C1orf21: variants seen among roughly 807,000 people sequenced by gnomAD.
The protein encoded by C1orf21 is chromosome 1 open reading frame 21.
Under a neutral mutation model 18.7 loss-of-function variants are expected in C1orf21, and 3 were observed. The ratio of observed to expected loss-of-function variants is 0.16; its 90% CI spans 0.07 to 0.42. The LOEUF (loss-of-function observed/expected upper bound fraction) is 0.42, where lower values mean the gene tolerates loss of function less well. Ranked by LOEUF, C1orf21 falls within the 10% of genes least tolerant of loss-of-function variation. The pLI, the probability that C1orf21 is intolerant of heterozygous loss-of-function variation, is 0.99. For synonymous variants in C1orf21, 41 were observed against 46.4 expected, an observed-to-expected ratio of 0.88 and a Z score of 0.47; for missense variants, 104 against 143.6, an observed-to-expected ratio of 0.72 and a Z score of 1.41.
intron 3 of C1orf21, among the ~76,000 whole-genome samples, chr1:184,564,535 T>G (rs1659009726): frequency 6.6e-6 from 1 of 152,102 alleles, no homozygotes; most frequent in African/African-American, 2.4e-5. Flanking sequence ...CTTGAACTCC[T>G]GACCTCAAGT....
intron 3 of C1orf21, 94 bp downstream of exon 3, chr1:184,507,776 C>A: frequency 1.0e-6 from 1 of 952,568 alleles, no homozygotes. Context: ...TACACACTGG[C>A]ACAAGATTTC....
intron 1 of C1orf21, among the ~76,000 whole-genome samples, chr1:184,471,394 G>A (rs1186940291): frequency 1.3e-5 from 2 of 152,156 alleles, no homozygotes; most frequent in East Asian, 3.9e-4. Context: ...GTATGTCCTA[G>A]TTGAGTTAGT....
chr1:184,474,549 T>C (rs1657542457), intron 1 of C1orf21, among the ~76,000 whole-genome samples: 1 of 152,192 alleles, frequency 6.6e-6, no homozygotes, highest in Non-Finnish European at 1.5e-5. Flanking sequence ...ACTAACTGCT[T>C]TTCGGGAGTA....
At chr1:184,487,158 A>G (rs1447988775) in intron 2 of C1orf21, among the ~76,000 whole-genome samples, 3 of 152,138 alleles carry the variant, frequency 2.0e-5, no homozygotes, top group East Asian at 3.9e-4. Flanking sequence ...AGATTCAGAC[A>G]TTCAAAACAA....
intron 1 of C1orf21, among the ~76,000 whole-genome samples, chr1:184,422,884 G>A (rs967589718): frequency 2.0e-5 from 3 of 152,238 alleles, no homozygotes; most frequent in Admixed American, 6.5e-5. Context: ...TGGACTGAAC[G>A]AATAAAATGT....
At chr1:184,442,813 AAATC>A (rs1656968661) in intron 1 of C1orf21, among the ~76,000 whole-genome samples, 1 of 152,136 alleles carries the variant, frequency 6.6e-6, no homozygotes, top group African/African-American at 2.4e-5. Context: ...AAAAAATTCT[AAATC>A]AAAGGAATAT....
At chr1:184,463,082 C>CAAA (rs397982231) in intron 1 of C1orf21, among the ~76,000 whole-genome samples, 5,889 of 79,562 alleles carry the variant, frequency 0.074, 206 homozygotes, top group Non-Finnish European at 0.11. Context: ...GACTCCATCT[C>CAAA]AAAAAAAAAA....
intron 1 of C1orf21, among the ~76,000 whole-genome samples, chr1:184,398,229 C>T (rs914395812): frequency 5.9e-5 from 9 of 152,136 alleles, no homozygotes; most frequent in Non-Finnish European, 8.8e-5. Flanking sequence ...GTGCTGAGTA[C>T]ACGACATGCA....
intron 2 of C1orf21, among the ~76,000 whole-genome samples, chr1:184,502,599 G>C (rs1474097466): frequency 6.6e-6 from 1 of 151,838 alleles, no homozygotes; most frequent in African/African-American, 2.4e-5. Context: ...GAGAATTGCT[G>C]TCTTAGTGAC....
At chr1:184,581,691 A>C (rs1293971196) in intron 3 of C1orf21, among the ~76,000 whole-genome samples, 1 of 152,214 alleles carries the variant, frequency 6.6e-6, no homozygotes, top group Non-Finnish European at 1.5e-5. Context: ...ACTTTTAATA[A>C]ATTTGTTGGT....
intron 1 of C1orf21, among the ~76,000 whole-genome samples, chr1:184,392,752 A>G (rs1447649964): frequency 6.7e-6 from 1 of 148,734 alleles, no homozygotes; most frequent in African/African-American, 2.5e-5. Flanking sequence ...CCTTTCATCT[A>G]TCACTTCCTT....
Position 184,479,366 on chromosome 1 carries a change from AT to A in C1orf21, c.94+1766del, listed in dbSNP as rs577884582. ...TTATCATTTTTATAATAGAGCTACC[AT>A]TTATGGAGCCGTCACCATGTGTCAA... On this transcript the variant is annotated intron_variant, in intron 2 of 5. Coordinates refer to ENST00000235307, the MANE Select transcript of C1orf21 (RefSeq NM_030806.4). Among the ~76,000 whole-genome samples, 472 of 152,292 alleles carry A rather than the reference AT, an allele frequency of 3.1e-3. 1 individual carries two copies. The highest frequency in any genetic ancestry group is 0.01 in the African/African-American group (432 of 41,546).
intron 2 of C1orf21, among the ~76,000 whole-genome samples, chr1:184,490,139 A>G (rs554035449): frequency 1.1e-4 from 16 of 152,326 alleles, no homozygotes; most frequent in African/African-American, 3.8e-4. Flanking sequence ...GATGACTGGC[A>G]CTTGTTGGTT....
chr1:184,562,310 T>C (rs981998135), intron 3 of C1orf21, among the ~76,000 whole-genome samples: 3 of 152,164 alleles, frequency 2.0e-5, no homozygotes, highest in African/African-American at 4.8e-5. Flanking sequence ...TAACAAATGG[T>C]GTTAGGTTGT....
At chr1:184,466,334 G>T (rs1260917786) in intron 1 of C1orf21, among the ~76,000 whole-genome samples, 1 of 152,188 alleles carries the variant, frequency 6.6e-6, no homozygotes, top group Non-Finnish European at 1.5e-5. Flanking sequence ...CCGGAGTAAT[G>T]AGCAAACTCG....
At chr1:184,556,092 A>G (rs1658875170) in intron 3 of C1orf21, among the ~76,000 whole-genome samples, 1 of 151,788 alleles carries the variant, frequency 6.6e-6, no homozygotes, top group Non-Finnish European at 1.5e-5. Context: ...CACACACACA[A>G]CACACACACA....
chr1:184,597,347 C>G (rs1177272337), intron 4 of C1orf21, among the ~76,000 whole-genome samples: 1 of 152,120 alleles, frequency 6.6e-6, no homozygotes, highest in East Asian at 1.9e-4. Context: ...GAGGGGACCC[C>G]CTCTGAGCCT....
At chr1:184,450,338 C>T (rs952612772) in intron 1 of C1orf21, among the ~76,000 whole-genome samples, 5 of 152,118 alleles carry the variant, frequency 3.3e-5, no homozygotes, top group Non-Finnish European at 5.9e-5. Context: ...TCTGGACTCC[C>T]CTCGCCCCAA....
In C1orf21 at chr1:184,477,439, G is replaced by A; in HGVS notation, c.-71G>A. The A allele has an allele frequency of 7.6e-7, 1 of 1,324,354 alleles. No homozygotes were observed. 82.0% of individuals were successfully genotyped at this position (1,324,354 alleles called of 1,614,324 possible). A position where few individuals can be genotyped will look rare whatever the true frequency, so the allele number is the denominator to read the frequency against. On this transcript the variant is annotated 5_prime_UTR_variant, in exon 2 of 6. Transcript: ENST00000235307. ...AAGGTGGATTTTCTTTGTGTTTAAA[G>A]AAAAAAAATGTCCCTGTGTCTGTAG...
Sources: allele counts gnomAD v4.1 joint callset (sites outside exome capture counted in the v4.1 genomes callset), GRCh38; gene constraint gnomAD v4.1.1; transcripts MANE v1.5; gene names NCBI Gene and HGNC (gene_info 2026-07-23, HGNC 2026-07-21).